The following KCNK4 variants were observed in gnomAD, a reference collection of about 807,000 sequenced individuals.
The protein encoded by KCNK4 is potassium channel subfamily K member 4.
Under a neutral mutation model 28.8 loss-of-function variants are expected in KCNK4, and 22 were observed. That is an observed-to-expected ratio of 0.76 (90% CI 0.55 to 1.09). The LOEUF (loss-of-function observed/expected upper bound fraction) is 1.09, where lower values mean the gene tolerates loss of function less well. KCNK4 is among the 50% of genes least tolerant of loss of function. KCNK4 has a pLI of 0.00. For missense variants in KCNK4, 483 were observed against 546.3 expected, an observed-to-expected ratio of 0.88 and a Z score of 1.15; for synonymous variants, 263 against 252.9, an observed-to-expected ratio of 1.04 and a Z score of -0.38.
rs962171541 is a variant in KCNK4, at chr11:64,292,817, A to G, written c.-77-125A>G. ...GGAGGGGGACTGGGTGTGTCCAGCC[A>G]GAGGGATGTCTGTGGACAGTGCAGC... On this transcript the variant is annotated intron_variant, in intron 1 of 6. Transcript: ENST00000422670. The G allele has an allele frequency of 5.6e-6, 6 of 1,071,100 alleles. No individual in the cohort carries two copies. The Admixed American group carries it at 2.1e-4, about 37-fold the overall frequency. 66.3% of individuals were successfully genotyped at this position (1,071,100 alleles called of 1,614,324 possible).
At chr11:64,299,050 G>GAAA (rs56097945) in intron 6 of KCNK4, among the ~76,000 whole-genome samples, 23 of 85,062 alleles carry the variant, frequency 2.7e-4, no homozygotes, top group African/African-American at 7.9e-4. Flanking sequence ...AAAAAAAGAA[G>GAAA]AAAAAAAAAA....
At chr11:64,294,834 G>T (rs1720770938) in intron 2 of KCNK4, among the ~76,000 whole-genome samples, 1 of 142,662 alleles carries the variant, frequency 7.0e-6, no homozygotes, top group Non-Finnish European at 1.5e-5. Context: ...GACACTTACA[G>T]AATGCCAGTG....
At position 64,296,941 on chromosome 11, in the gene KCNK4, C is replaced by T; in HGVS notation, c.253C>T (p.His85Tyr). The T allele has an allele frequency of 2.6e-6, 4 of 1,511,832 alleles. No homozygotes were observed. The highest frequency in any genetic ancestry group is 3.5e-6 in the Non-Finnish European group (4 of 1,131,046). 93.7% of individuals were successfully genotyped at this position (1,511,832 alleles called of 1,614,324 possible). Reference protein sequence around the residue: ...PETNSTSNSSHSAWDLGSAFF... With the variant: ...PETNSTSNSSYSAWDLGSAFF... ...AACCAACTCGACCAGCAACAGCAGC[C>T]ACTCAGCCTGGGACCTGGGCAGCGC... Residue 85 changes from histidine to tyrosine, a missense_variant, in exon 3 of 7, where the codon CAC becomes TAC. Physicochemically the swap from His to Tyr is moderately conservative, Grantham distance 83. Coordinates refer to ENST00000422670, the MANE Select transcript of KCNK4 (RefSeq NM_033310.3).
chr11:64,298,343 G>C, intron 6 of KCNK4, 94 bp downstream of exon 6: 1 of 1,498,896 alleles, frequency 6.7e-7, no homozygotes, highest in Non-Finnish European at 9.0e-7. Context: ...CCTATCCAGG[G>C]CGTGGGCTCC....
rs2135237681 is a variant in KCNK4, at chr11:64,299,886, C to T, written c.*160C>T. 1.4e-6 allele frequency: 2 copies of T among 1,409,212 alleles called. No individual in the cohort carries two copies. Among genetic ancestry groups the T allele is most frequent in the Non-Finnish European group, 1.9e-6 (2 of 1,037,622 alleles). The allele number at this position is 1,409,212 out of a possible 1,614,324, so 87.3% of individuals were successfully genotyped here. Reference sequence around the variant, plus strand: ...CTCCCTGGCCCCGGCCCTTCCCTCACTTCCATCCATCTCTAGACCCCCCCA... The same window carrying T: ...CTCCCTGGCCCCGGCCCTTCCCTCATTTCCATCCATCTCTAGACCCCCCCA... On this transcript the variant is annotated 3_prime_UTR_variant, in exon 7 of 7. Coordinates refer to ENST00000422670, the MANE Select transcript of KCNK4 (RefSeq NM_033310.3).
intron 2 of KCNK4, among the ~76,000 whole-genome samples, chr11:64,294,533 A>AG (rs1555076001): frequency 1.3e-5 from 2 of 151,438 alleles, no homozygotes; most frequent in African/African-American, 2.4e-5. Context: ...AAAAAAAAAA[A>AG]AAAGAAAGTG....
chr11:64,298,892 T>C (rs1361931347), intron 6 of KCNK4, among the ~76,000 whole-genome samples: 1 of 151,162 alleles, frequency 6.6e-6, no homozygotes, highest in East Asian at 2.0e-4. Flanking sequence ...AATACAAAAA[T>C]TACCTGGACG....
chr11:64,297,355 C>G (rs368546058), intron 4 of KCNK4, 76 bp downstream of exon 4: 15 of 1,573,008 alleles, frequency 9.5e-6, no homozygotes, highest in Non-Finnish European at 1.7e-6. Context: ...CACATGAGCG[C>G]GCCCCCAAAG....
At chr11:64,297,815 C>A (rs571358577) in intron 5 of KCNK4, among the ~76,000 whole-genome samples, 162 bp downstream of exon 5, 1 of 152,318 alleles carries the variant, frequency 6.6e-6, no homozygotes, top group East Asian at 1.9e-4. Flanking sequence ...GCGCCTTATG[C>A]ACACTCACAT....
chr11:64,292,184 T>G (rs2034646946), intron 1 of KCNK4: 1 of 799,584 alleles, frequency 1.3e-6, no homozygotes, highest in African/African-American at 1.9e-5. Flanking sequence ...GCGCGGGTCT[T>G]TGTGCCCGCG....
chr11:64,297,373 G>C, intron 4 of KCNK4, 94 bp downstream of exon 4: 1 of 1,575,428 alleles, frequency 6.3e-7, no homozygotes, highest in Non-Finnish European at 8.6e-7. Context: ...AAGACCATAA[G>C]CCTCTCCCAC....
At position 64,291,364 on chromosome 11, in the gene KCNK4, G is replaced by GGAGA. The variant is rs2034624939; in HGVS notation, c.-279_-278insAGAG. 1.3e-5 allele frequency: 2 copies of GGAGA among 152,342 alleles called. No homozygotes were observed. The highest frequency in any genetic ancestry group is 1.3e-4 in the Admixed American group (2 of 15,282). 9.4% of individuals were successfully genotyped at this position (152,342 alleles called of 1,614,324 possible). A position where few individuals can be genotyped will look rare whatever the true frequency, so the allele number is the denominator to read the frequency against. ...GAGAGTTGCGGACCCTTCCCGATCC[G>GGAGA]GTAATGGGCCTGGGAGATGCCAGAT... On this transcript the variant is annotated 5_prime_UTR_variant, in exon 1 of 7. Transcript: ENST00000422670.
chr11:64,298,306 C>T, intron 6 of KCNK4, 57 bp downstream of exon 6: 1 of 1,596,932 alleles, frequency 6.3e-7, no homozygotes, highest in East Asian at 2.2e-5. Context: ...TGTGCTGTTC[C>T]CTAGCAGGGG....
At chr11:64,297,784 C>A in intron 5 of KCNK4, 131 bp downstream of exon 5, 2 of 894,042 alleles carry the variant, frequency 2.2e-6, no homozygotes, top group South Asian at 3.5e-5. Context: ...AATGCACCAT[C>A]ACAGCCTTGC....
chr11:64,299,506 C>A lies in KCNK4; in HGVS notation c.962C>A (p.Ser321Ter), dbSNP rs1183268556. The A allele has an allele frequency of 6.2e-7, 1 of 1,609,096 alleles. No individual in the cohort carries two copies. Among genetic ancestry groups the A allele is most frequent in the Non-Finnish European group, 8.5e-7 (1 of 1,178,662 alleles). The part of the protein sequence containing the change: ...AQPLGRPRSP[S>*]PPEKAQPPSP... ...CCGCTGGGCAGGCCCCGATCCCCTT[C>A]GCCCCCCGAGAAGGCTCAGCCGCCT... The change falls in exon 7 of 7, where the codon TCG becomes TAG. Residue 321 changes from serine to a stop codon, truncating the protein, a stop_gained. Transcript: ENST00000422670. LOFTEE classifies it high-confidence loss of function.
At chr11:64,295,836 AG>A (rs561801553) in intron 2 of KCNK4, among the ~76,000 whole-genome samples, 1 of 152,232 alleles carries the variant, frequency 6.6e-6, no homozygotes, top group African/African-American at 2.4e-5. Flanking sequence ...GACTTCAGTC[AG>A]GGGGCGAAGA....
intron 1 of KCNK4, chr11:64,291,890 C>T (rs2034637678): frequency 2.6e-6 from 1 of 377,862 alleles, no homozygotes; most frequent in Non-Finnish European, 4.0e-6. Flanking sequence ...TGGGCGCCTC[C>T]GGGAGTGGTG....
chr11:64,291,984 T>A (rs1282730375), intron 1 of KCNK4: 1 of 1,139,348 alleles, frequency 8.8e-7, no homozygotes, highest in Admixed American at 3.5e-5. Flanking sequence ...CTGCGGGCGC[T>A]GCGCGGTGGC....
At position 64,299,513 on chromosome 11, in the gene KCNK4, C is replaced by A. The variant is rs763982687; in HGVS notation, c.969C>A (p.Pro323=). 4 of 1,609,474 alleles carry A rather than the reference C, an allele frequency of 2.5e-6. No homozygotes were observed. The East Asian group carries it at 6.7e-5, about 27-fold the overall frequency. ...PLGRPRSPSP[P]EKAQPPSPPT... Reference sequence around the variant, plus strand: ...GCAGGCCCCGATCCCCTTCGCCCCCCGAGAAGGCTCAGCCGCCTTCCCCGC... The same window carrying A: ...GCAGGCCCCGATCCCCTTCGCCCCCAGAGAAGGCTCAGCCGCCTTCCCCGC... The change falls in exon 7 of 7, where the codon CCC becomes CCA. Residue 323 remains proline, a synonymous_variant. Transcript: ENST00000422670.
Sources: gnomAD v4.1 joint callset for allele counts (sites outside exome capture counted in the v4.1 genomes callset) on GRCh38, gnomAD v4.1.1 for gene constraint, MANE v1.5 for transcripts, NCBI Gene and HGNC (gene_info 2026-07-23, HGNC 2026-07-21) for gene names.